The following MARCHF7 variants were observed in gnomAD, a reference collection of about 807,000 sequenced individuals.
MARCHF7 encodes the protein membrane associated ring-CH-type finger 7.
A neutral mutation model predicts 76.5 loss-of-function variants in MARCHF7; 20 were observed. The observed-to-expected ratio is 0.26, with a 90% CI of 0.18 to 0.38. The LOEUF (loss-of-function observed/expected upper bound fraction) is 0.38. MARCHF7 is among the 10% of genes least tolerant of loss of function. MARCHF7 has a pLI of 1.00. For missense variants in MARCHF7, 797 were observed against 812.9 expected, an observed-to-expected ratio of 0.98 and a Z score of 0.24; for synonymous variants, 295 against 293.0, an observed-to-expected ratio of 1.01 and a Z score of -0.07.
intron 3 of MARCHF7, among the ~76,000 whole-genome samples, chr2:159,716,397 A>G (rs1701041350): frequency 6.6e-6 from 1 of 152,078 alleles, no homozygotes; most frequent in Non-Finnish European, 1.5e-5. Context: ...CTGTAATCCC[A>G]GCGCTTTGGG....
At chr2:159,730,350 AT>A (rs1484949901) in intron 4 of MARCHF7, among the ~76,000 whole-genome samples, 1 of 152,194 alleles carries the variant, frequency 6.6e-6, no homozygotes, top group Non-Finnish European at 1.5e-5. Flanking sequence ...TGTGTTAAGT[AT>A]TTATATATTT....
chr2:159,743,909 TA>T (rs1275756775), intron 5 of MARCHF7, among the ~76,000 whole-genome samples: 1 of 148,782 alleles, frequency 6.7e-6, no homozygotes, highest in African/African-American at 2.4e-5. Flanking sequence ...CTCTGTTTCT[TA>T]AACAAAAAAC....
chr2:159,728,533 A>C (rs13385595), intron 3 of MARCHF7, among the ~76,000 whole-genome samples: 17,722 of 152,240 alleles, frequency 0.12, 2,409 homozygotes, highest in African/African-American at 0.33. Flanking sequence ...CAGAGAAGAA[A>C]GGTACTTGTG....
chr2:159,759,503 ATTT>A (rs5835757), intron 9 of MARCHF7, 168 bp downstream of exon 9: 17 of 301,546 alleles, frequency 5.6e-5, no homozygotes, highest in East Asian at 1.6e-4. Flanking sequence ...GAATTTCATA[ATTT>A]TTTTTTTTTT....
chr2:159,724,411 C>T (rs577575023), intron 3 of MARCHF7, among the ~76,000 whole-genome samples: 2 of 152,182 alleles, frequency 1.3e-5, no homozygotes, highest in South Asian at 4.1e-4. Context: ...TTGGAGAGTT[C>T]TGTCCTTCGT....
At chr2:159,739,414 T>G (rs1703863125) in intron 4 of MARCHF7, among the ~76,000 whole-genome samples, 1 of 152,240 alleles carries the variant, frequency 6.6e-6, no homozygotes, top group African/African-American at 2.4e-5. Context: ...GATCTATCAG[T>G]TACACCCAAG....
chr2:159,761,440 G>GTTTTTTTTTTTT (rs1707086025), intron 9 of MARCHF7, among the ~76,000 whole-genome samples: 1 of 84,760 alleles, frequency 1.2e-5, no homozygotes, highest in African/African-American at 4.2e-5. Context: ...TTGAGACGGA[G>GTTTTTTTTTTTT]TTTCACTCTT....
At chr2:159,727,098 A>G (rs1465535630) in intron 3 of MARCHF7, among the ~76,000 whole-genome samples, 2 of 152,242 alleles carry the variant, frequency 1.3e-5, no homozygotes, top group African/African-American at 4.8e-5. Flanking sequence ...GTGATGCATA[A>G]CTATGCATAC....
intron 3 of MARCHF7, among the ~76,000 whole-genome samples, chr2:159,718,248 G>T (rs1701257711): frequency 6.6e-6 from 1 of 152,170 alleles, no homozygotes; most frequent in Admixed American, 6.5e-5. Context: ...ATAGAAATTG[G>T]CTGATGTGCA....
rs930494921 is a variant in MARCHF7, at chr2:159,759,304, A to G, written c.1862A>G (p.His621Arg). 2 of 1,610,142 alleles carry G rather than the reference A, an allele frequency of 1.2e-6. No homozygotes were observed. Among genetic ancestry groups the G allele is most frequent in the Non-Finnish European group, 8.5e-7 (1 of 1,176,704 alleles). ...CTTAACCTGGAGGATTTTGATATTC[A>G]TGAACTACATAGAGCTCATGCAAAT... ...LELNLEDFDI[H>R]ELHRAHANEQ... Residue 621 changes from histidine (H) to arginine (R), a missense_variant, in exon 9 of 12, where the codon CAT becomes CGT. Transcript: ENST00000409175.
chr2:159,722,186 G>A (rs945276814), intron 3 of MARCHF7, among the ~76,000 whole-genome samples: 1 of 151,884 alleles, frequency 6.6e-6, no homozygotes, highest in African/African-American at 2.4e-5. Context: ...GCCCAGGCTG[G>A]TGTGCAGTGG....
At chr2:159,761,525 C>T (rs1707103950) in intron 9 of MARCHF7, among the ~76,000 whole-genome samples, 1 of 140,558 alleles carries the variant, frequency 7.1e-6, no homozygotes, top group African/African-American at 2.6e-5. Context: ...AGCGATTCTC[C>T]TGCCTCAGCC....
chr2:159,759,499 C>A (rs1706742391), intron 9 of MARCHF7, 164 bp downstream of exon 9: 6 of 350,304 alleles, frequency 1.7e-5, no homozygotes, highest in East Asian at 8.7e-5. Context: ...GTTAGAATTT[C>A]ATAATTTTTT....
At chr2:159,755,385 A>G (rs1706168509) in intron 8 of MARCHF7, among the ~76,000 whole-genome samples, 1 of 152,116 alleles carries the variant, frequency 6.6e-6, no homozygotes, top group African/African-American at 2.4e-5. Flanking sequence ...TGTTGAAACA[A>G]CCAAGGATTT....
rs1708094752 is a variant in MARCHF7, at chr2:159,770,257, T to G, written c.*2915T>G. 6.6e-6 allele frequency: 1 copy of G among 152,200 alleles called. No homozygotes were observed. Among genetic ancestry groups the G allele is most frequent in the African/African-American group, 2.4e-5 (1 of 41,464 alleles). 9.4% of individuals were successfully genotyped at this position (152,200 alleles called of 1,614,324 possible). A position where few individuals can be genotyped will look rare whatever the true frequency, so the allele number is the denominator to read the frequency against. On this transcript the variant is annotated 3_prime_UTR_variant, in exon 12 of 12. Coordinates refer to ENST00000409175, the MANE Select transcript of MARCHF7 (RefSeq NM_001282805.2). ...ATCAATAATAAAATAGACATCTCAA[T>G]CACTATACAAAATCTCAGAAATGTA... is the stretch of plus-strand genomic sequence containing the variant.
At chr2:159,714,021 T>C (rs761944501) in intron 1 of MARCHF7, among the ~76,000 whole-genome samples, 12 of 152,146 alleles carry the variant, frequency 7.9e-5, no homozygotes, top group Non-Finnish European at 1.6e-4. Flanking sequence ...AAGAGGGCTA[T>C]TTTCCCAGAT....
rs1056504558 is a variant in MARCHF7, at chr2:159,769,717, TAAATC to T, written c.*2377_*2381del. 2 of 152,150 alleles carry T rather than the reference TAAATC, an allele frequency of 1.3e-5. No homozygotes were observed. The highest frequency in any genetic ancestry group is 4.8e-5 in the African/African-American group (2 of 41,422). 9.4% of individuals were successfully genotyped at this position (152,150 alleles called of 1,614,324 possible). A position where few individuals can be genotyped will look rare whatever the true frequency, so the allele number is the denominator to read the frequency against. On this transcript the variant is annotated 3_prime_UTR_variant, in exon 12 of 12. Coordinates refer to ENST00000409175, the MANE Select transcript of MARCHF7 (RefSeq NM_001282805.2). ...AAAAATGAAACCAAATATTGAAAAT[TAAATC>T]AGAGTTTAAAGCAGCTATTTTGGAA...
chr2:159,715,204 G>A (rs1373150103), intron 2 of MARCHF7, among the ~76,000 whole-genome samples: 3 of 152,140 alleles, frequency 2.0e-5, no homozygotes, highest in East Asian at 1.9e-4. Context: ...AAAAAGAATC[G>A]GATTTTGAGT....
chr2:159,757,849 A>G (rs1706529944), intron 8 of MARCHF7, among the ~76,000 whole-genome samples: 1 of 152,210 alleles, frequency 6.6e-6, no homozygotes, highest in Non-Finnish European at 1.5e-5. Flanking sequence ...TATACTCAAA[A>G]TATAGTGAAA....
Sources: allele counts gnomAD v4.1 joint callset (sites outside exome capture counted in the v4.1 genomes callset), GRCh38; gene constraint gnomAD v4.1.1; transcripts MANE v1.5; gene names NCBI Gene and HGNC (gene_info 2026-07-23, HGNC 2026-07-21).